COL25A1: variants seen among roughly 807,000 people sequenced by gnomAD.
The protein encoded by COL25A1 is collagen alpha-1(XXV) chain.
Under a neutral mutation model 128.4 loss-of-function variants are expected in COL25A1, and 103 were observed. That is an observed-to-expected ratio of 0.80 (90% CI 0.68 to 0.94). COL25A1 has a LOEUF of 0.94. Among genes scored for constraint, COL25A1 ranks in the 40% least tolerant of loss-of-function variants. The pLI is 0.00. For synonymous variants in COL25A1, 279 were observed against 277.2 expected, an observed-to-expected ratio of 1.01 and a Z score of -0.06; for missense variants, 745 against 840.0, an observed-to-expected ratio of 0.89 and a Z score of 1.40.
At chr4:108,940,432 A>G in intron 10 of COL25A1, 107 bp downstream of exon 10, 1 of 883,774 alleles carries the variant, frequency 1.1e-6, no homozygotes, top group South Asian at 1.3e-5. Context: ...CACTCCACTC[A>G]CTTGACCCCC....
chr4:109,106,683 C>T (rs1029092085), intron 3 of COL25A1, among the ~76,000 whole-genome samples: 23 of 151,024 alleles, frequency 1.5e-4, no homozygotes, highest in African/African-American at 5.4e-4. Context: ...GAAAAGTTCT[C>T]ACCAAAATGG....
chr4:108,862,569 GAAAAAGATAAAA>G (rs761738555), intron 21 of COL25A1, 24 bp from the exon 22 acceptor site: 1 of 1,597,064 alleles, frequency 6.3e-7, no homozygotes, highest in African/African-American at 1.3e-5. Flanking sequence ...ATAAGAGGAT[GAAAAAGATAAAA>G]TTATAGAAGA....
intron 5 of COL25A1, among the ~76,000 whole-genome samples, chr4:109,025,551 T>C (rs1160539968): frequency 6.6e-6 from 1 of 152,204 alleles, no homozygotes; most frequent in African/African-American, 2.4e-5. Context: ...CATTAATAAA[T>C]GCATGCTAGC....
chr4:109,153,110 G>A (rs143894315), intron 3 of COL25A1, among the ~76,000 whole-genome samples: 53 of 152,226 alleles, frequency 3.5e-4, no homozygotes, highest in African/African-American at 1.2e-3. Context: ...TCTGGGCCGG[G>A]CGCAGTGGCT....
At chr4:108,995,663 T>C (rs1754697094) in intron 6 of COL25A1, among the ~76,000 whole-genome samples, 1 of 152,106 alleles carries the variant, frequency 6.6e-6, no homozygotes, top group South Asian at 2.1e-4. Flanking sequence ...AGACACCTAA[T>C]TGTCAGATTC....
intron 3 of COL25A1, among the ~76,000 whole-genome samples, chr4:109,089,170 G>C (rs1020854784): frequency 2.0e-5 from 3 of 152,084 alleles, no homozygotes; most frequent in African/African-American, 7.2e-5. Flanking sequence ...ATCACATTGT[G>C]GGAAAAAATG....
chr4:108,845,358 T>C, intron 28 of COL25A1, 107 bp from the exon 29 acceptor site: 1 of 822,146 alleles, frequency 1.2e-6, no homozygotes, highest in Non-Finnish European at 2.1e-6. Context: ...TTTATAATAT[T>C]ATGCACTTGC....
chr4:108,841,762 C>A (rs11942576), intron 30 of COL25A1, 41 bp from the exon 31 acceptor site: 947,312 of 1,508,322 alleles, frequency 0.63, 300,132 homozygotes, highest in South Asian at 0.76. Flanking sequence ...GAATTGATTC[C>A]CTGTTTCCCA....
At chr4:108,931,119 A>G (rs1218544166) in intron 11 of COL25A1, among the ~76,000 whole-genome samples, 1 of 152,192 alleles carries the variant, frequency 6.6e-6, no homozygotes, top group Non-Finnish European at 1.5e-5. Flanking sequence ...TTGGAGAAGG[A>G]GACAATTTTT....
At chr4:109,080,861 T>C (rs1428404777) in intron 3 of COL25A1, among the ~76,000 whole-genome samples, 1 of 152,212 alleles carries the variant, frequency 6.6e-6, no homozygotes, top group Non-Finnish European at 1.5e-5. Flanking sequence ...ACTTCAGTTG[T>C]TGCAATCAAC....
At chr4:108,995,588 G>A (rs1389376235) in intron 6 of COL25A1, among the ~76,000 whole-genome samples, 1 of 152,136 alleles carries the variant, frequency 6.6e-6, no homozygotes, top group African/African-American at 2.4e-5. Context: ...AGCAAGGCAG[G>A]CCAACATTCA....
At chr4:109,024,702 T>A (rs1344012794) in intron 5 of COL25A1, among the ~76,000 whole-genome samples, 1 of 152,206 alleles carries the variant, frequency 6.6e-6, no homozygotes, top group Non-Finnish European at 1.5e-5. Context: ...TTTAAACCCT[T>A]AATTAAGTTG....
Position 108,852,876 on chromosome 4 carries a change from C to T in COL25A1, c.1344+26G>A, listed in dbSNP as rs547485540. 2.5e-6 allele frequency: 4 copies of T among 1,602,522 alleles called. No homozygotes were observed. The South Asian group carries it at 4.5e-5, about 18-fold the overall frequency. On this transcript the variant is annotated intron_variant, in intron 25 of 37. Coordinates refer to ENST00000399132, the MANE Select transcript of COL25A1 (RefSeq NM_198721.4). ...CAACACCAAATACAAAACCACAAACCACAGAAAGCATGCAATAGGAGTTAC... is the reference window on the plus strand; with the variant it reads ...CAACACCAAATACAAAACCACAAACTACAGAAAGCATGCAATAGGAGTTAC...
intron 35 of COL25A1, 106 bp downstream of exon 35, chr4:108,824,068 C>T: frequency 6.2e-7 from 1 of 1,613,198 alleles, no homozygotes; most frequent in Non-Finnish European, 8.5e-7. Context: ...TTTTGGAGCA[C>T]AGGATGGAGA....
chr4:109,039,561 T>C (rs1759674623), intron 5 of COL25A1, among the ~76,000 whole-genome samples: 1 of 152,156 alleles, frequency 6.6e-6, no homozygotes, highest in South Asian at 2.1e-4. Context: ...TAAATCTGGA[T>C]TATATTCTCT....
At chr4:108,844,409 C>T in intron 30 of COL25A1, 110 bp downstream of exon 30, 3 of 1,576,236 alleles carry the variant, frequency 1.9e-6, no homozygotes, top group African/African-American at 2.7e-5. Context: ...ATCCATTCCA[C>T]AGAGAGTAGT....
At chr4:109,081,861 G>A (rs976090742) in intron 3 of COL25A1, among the ~76,000 whole-genome samples, 2 of 151,926 alleles carry the variant, frequency 1.3e-5, no homozygotes, top group East Asian at 3.9e-4. Context: ...GTGCCACCAC[G>A]CCCGGCTAAT....
intron 33 of COL25A1, 47 bp downstream of exon 33, chr4:108,827,074 GTCAGTGACTGGTCA>G: frequency 6.9e-7 from 1 of 1,440,482 alleles, no homozygotes; most frequent in Non-Finnish European, 9.8e-7. Flanking sequence ...GGTTAACCGT[GTCAGTGACTGGTCA>G]TCTATGCATG....
chr4:108,996,288 G>GA lies in COL25A1; in HGVS notation c.438+14069_438+14070insT, dbSNP rs1560994249. ...TGGAGGAAGATCTACCAAGCAAATG[G>GA]GAAAAAAAAAAAAAAAAAAAAAGGA... is the stretch of plus-strand genomic sequence containing the variant. On this transcript the variant is annotated intron_variant, in intron 6 of 37. Coordinates refer to ENST00000399132, the MANE Select transcript of COL25A1 (RefSeq NM_198721.4). 6.7e-5 allele frequency among the ~76,000 whole-genome samples: 8 copies of GA among 118,984 alleles called. 1 individual carries two copies. Among genetic ancestry groups the GA allele is most frequent in the South Asian group, 2.8e-4 (1 of 3,534 alleles). The allele number at this position is 118,984 out of a possible 152,430, so 78.1% of individuals were successfully genotyped here. A position where few individuals can be genotyped will look rare whatever the true frequency, so the allele number is the denominator to read the frequency against.
Sources: allele counts gnomAD v4.1 joint callset (sites outside exome capture counted in the v4.1 genomes callset), GRCh38; gene constraint gnomAD v4.1.1; transcripts MANE v1.5; gene names NCBI Gene and HGNC (gene_info 2026-07-23, HGNC 2026-07-21).